ITGAL: variants seen among roughly 807,000 people sequenced by gnomAD.
ITGAL encodes the protein integrin subunit alpha L, also known as integrin alpha-L.
In ITGAL, 68 loss-of-function variants were observed where a neutral mutation model predicts 138.4. The ratio of observed to expected loss-of-function variants is 0.49; its 90% CI spans 0.40 to 0.60. ITGAL has a LOEUF of 0.60. ITGAL is among the 20% of genes least tolerant of loss of function. The probability of loss-of-function intolerance (pLI) is 0.00; values close to 1 mark genes in which losing one functional copy is unlikely to be tolerated. For synonymous variants in ITGAL, 561 were observed against 584.3 expected, an observed-to-expected ratio of 0.96 and a Z score of 0.57; for missense variants, 1,256 against 1,478.6, an observed-to-expected ratio of 0.85 and a Z score of 2.47.
chr16:30,505,480 C>T lies in ITGAL; in HGVS notation c.2366+18C>T. On this transcript the variant is annotated intron_variant, in intron 20 of 30. Transcript: ENST00000356798. ...CCTGCAAGGTCAGTAAGGCCTCCCA[C>T]CCTCCAGCCTCCCATCCACTCTGTT... 1 of 1,597,998 alleles carries T rather than the reference C, an allele frequency of 6.3e-7. No homozygotes were observed. Among genetic ancestry groups the T allele is most frequent in the South Asian group, 1.1e-5 (1 of 90,762 alleles).
intron 11 of ITGAL, among the ~76,000 whole-genome samples, chr16:30,491,975 T>A (rs184314154): frequency 6.6e-6 from 1 of 152,280 alleles, no homozygotes; most frequent in African/African-American, 2.4e-5. Flanking sequence ...AGCGGTTCCG[T>A]CTCTTCACTC....
Position 30,514,239 on chromosome 16 carries a change from T to C in ITGAL, c.2862+393T>C, listed in dbSNP as rs377296837. On this transcript the variant is annotated intron_variant, in intron 25 of 30. Transcript: ENST00000356798. ...AATTCTCCTGTCTCAGCCTCCCAAGTAGCTGAGATTACAGGCATCCACCAC... is the reference window on the plus strand; with the variant it reads ...AATTCTCCTGTCTCAGCCTCCCAAGCAGCTGAGATTACAGGCATCCACCAC... Among the ~76,000 whole-genome samples, 12 of 152,104 alleles carry C rather than the reference T, an allele frequency of 7.9e-5. No homozygotes were observed. In the East Asian group the frequency reaches 1.5e-3, roughly 20 times the overall value.
chr16:30,521,550 A>G lies in ITGAL; in HGVS notation c.3398A>G (p.Asn1133Ser), dbSNP rs1378111954. The G allele has an allele frequency of 1.2e-6, 2 of 1,614,100 alleles. No homozygotes were observed. The highest frequency in any genetic ancestry group is 1.1e-5 in the South Asian group (1 of 91,090). Residue 1133 changes from asparagine to serine, a missense_variant, in exon 31 of 31, where the codon AAT (asparagine) becomes AGT (serine). Asn to Ser is a conservative substitution (Grantham distance 46). Transcript: ENST00000356798. ...EKMEAGRGVP[N>S]GIPAEDSEQL... is the part of the protein sequence containing the mutation. ...ATGGAGGCTGGCAGAGGTGTCCCGAATGGAATCCCTGCAGAAGACTCTGAG... is the reference window on the plus strand; with the variant it reads ...ATGGAGGCTGGCAGAGGTGTCCCGAGTGGAATCCCTGCAGAAGACTCTGAG...
At chr16:30,480,909 A>G (rs2151145031) in intron 6 of ITGAL, 1 of 154,510 alleles carries the variant, frequency 6.5e-6, no homozygotes, top group Non-Finnish European at 1.4e-5. Context: ...ACGAGGGAGG[A>G]TGGCTCGAGC....
At chr16:30,516,571 C>T (rs1343534609) in intron 25 of ITGAL, among the ~76,000 whole-genome samples, 2 of 152,088 alleles carry the variant, frequency 1.3e-5, no homozygotes, top group African/African-American at 4.8e-5. Context: ...GTAAGAATGG[C>T]TCCTGTCCTC....
At chr16:30,512,182 A>T (rs1378082879) in intron 24 of ITGAL, among the ~76,000 whole-genome samples, 1 of 152,194 alleles carries the variant, frequency 6.6e-6, no homozygotes, top group Non-Finnish European at 1.5e-5. Context: ...CTCTAAAATT[A>T]TCCTAGCCTA....
At chr16:30,488,767 T>A in intron 9 of ITGAL, 2 of 352,968 alleles carry the variant, frequency 5.7e-6, no homozygotes, top group East Asian at 6.7e-5. Flanking sequence ...GTCCCCACTA[T>A]CCAGGAGGCT....
intron 17 of ITGAL, 173 bp from the exon 18 acceptor site, chr16:30,504,002 G>A (rs760415758): frequency 1.1e-5 from 6 of 555,452 alleles, no homozygotes; most frequent in Non-Finnish European, 1.6e-5. Flanking sequence ...GAAGCCCCCT[G>A]GGTGTGCTGT....
At chr16:30,499,300 C>T (rs951714093) in intron 16 of ITGAL, 38 bp from the exon 17 acceptor site, 4 of 1,613,114 alleles carry the variant, frequency 2.5e-6, no homozygotes, top group Non-Finnish European at 3.4e-6. Context: ...GCCTGGGATC[C>T]CCCACCATTT....
At chr16:30,516,206 C>CT (rs1156978244) in intron 25 of ITGAL, among the ~76,000 whole-genome samples, 1 of 151,428 alleles carries the variant, frequency 6.6e-6, no homozygotes, top group Non-Finnish European at 1.5e-5. Flanking sequence ...ACAGGTAGTT[C>CT]TTTTTTTAAT....
At chr16:30,517,568 C>T in intron 26 of ITGAL, 81 bp from the exon 27 acceptor site, 2 of 1,206,006 alleles carry the variant, frequency 1.7e-6, no homozygotes, top group Non-Finnish European at 2.5e-6. Context: ...AGGGCCAGGG[C>T]CAGGGCAGGG....
Position 30,504,170 on chromosome 16 carries a change from C to T in ITGAL, c.2146-5C>T, listed in dbSNP as rs760043631. ...TGACATAGGCTGTATTCTTATCACC[C>T]TCAGGTATGTGTTCAAGACCTCATC... On this transcript the variant is annotated splice_polypyrimidine_tract_variant and splice_region_variant and intron_variant, in intron 17 of 30. Coordinates refer to ENST00000356798, the MANE Select transcript of ITGAL (RefSeq NM_002209.3). 12 of 1,606,616 alleles carry T rather than the reference C, an allele frequency of 7.5e-6. No homozygotes were observed. Among genetic ancestry groups the T allele is most frequent in the Non-Finnish European group, 1.0e-5 (12 of 1,173,374 alleles).
In ITGAL at chr16:30,489,245, C is replaced by T; in HGVS notation, c.1081-9C>T. On this transcript the variant is annotated splice_polypyrimidine_tract_variant and intron_variant, in intron 10 of 30. Transcript: ENST00000356798. ...GGTAGCTGACCCGCTCATCTCCTTC[C>T]CTGGGCAGGGCCATGCAGTCGTGGG... 1 of 1,614,022 alleles carries T rather than the reference C, an allele frequency of 6.2e-7. No homozygotes were observed. Among genetic ancestry groups the T allele is most frequent in the Non-Finnish European group, 8.5e-7 (1 of 1,179,926 alleles).
At chr16:30,506,884 G>A (rs773013966) in intron 21 of ITGAL, 28 bp downstream of exon 21, 8 of 1,612,148 alleles carry the variant, frequency 5.0e-6, no homozygotes, top group East Asian at 4.5e-5. Context: ...GCCTGCCTGC[G>A]GGCATCTGTT....
chr16:30,474,668 C>T (rs993642687), intron 2 of ITGAL: 2 of 197,050 alleles, frequency 1.0e-5, no homozygotes, highest in African/African-American at 2.3e-5. Flanking sequence ...GTAGGTAAGC[C>T]ATGAATGGCT....
chr16:30,505,823 A>G (rs2050981823), intron 20 of ITGAL, among the ~76,000 whole-genome samples: 1 of 152,216 alleles, frequency 6.6e-6, no homozygotes, highest in African/African-American at 2.4e-5. Context: ...TTGAGGCTGC[A>G]GTAAGCACCA....
chr16:30,499,733 A>ATGTGTGTATATATATATATATATAT lies in ITGAL; in HGVS notation c.2145+245_2145+246insGTGTGTATATATATATATATATATT. On this transcript the variant is annotated intron_variant, in intron 17 of 30. Coordinates refer to ENST00000356798, the MANE Select transcript of ITGAL (RefSeq NM_002209.3). The stretch of plus-strand genomic sequence containing the variant: ...TATATGTATATATATATATATATAT[A>ATGTGTGTATATATATATATATATAT]TTTTTTTTTTTTTGACACAGAGTCT... Among the ~76,000 whole-genome samples the ATGTGTGTATATATATATATATATAT allele has an allele frequency of 3.4e-5, 3 of 88,368 alleles. No homozygotes were observed. In the East Asian group the frequency reaches 1.0e-3, roughly 30 times the overall value. 58.0% of individuals were successfully genotyped at this position (88,368 alleles called of 152,430 possible).
chr16:30,496,072 T>TG, intron 13 of ITGAL, 25 bp from the exon 14 acceptor site: 2 of 1,596,302 alleles, frequency 1.3e-6, no homozygotes, highest in East Asian at 4.5e-5. Flanking sequence ...GACTTGGGTG[T>TG]GACCTGTCTC....
Position 30,521,782 on chromosome 16 carries a change from C to T in ITGAL, c.*117C>T. The T allele has an allele frequency of 1.1e-6, 1 of 948,718 alleles. No individual in the cohort carries two copies. The highest frequency in any genetic ancestry group is 1.5e-6 in the Non-Finnish European group (1 of 646,322). 58.8% of individuals were successfully genotyped at this position (948,718 alleles called of 1,614,324 possible). On this transcript the variant is annotated 3_prime_UTR_variant, in exon 31 of 31. Transcript: ENST00000356798. ...GGCGAGTCACTGCCTCTCCCTGGCC[C>T]TCAGTTTCCCTATCTCGAACATGGA...
Sources: gnomAD v4.1 joint callset for allele counts (sites outside exome capture counted in the v4.1 genomes callset) on GRCh38, gnomAD v4.1.1 for gene constraint, MANE v1.5 for transcripts, NCBI Gene and HGNC (gene_info 2026-07-23, HGNC 2026-07-21) for gene names.